ADCY9: variants seen among roughly 807,000 people sequenced by gnomAD.
ADCY9 encodes adenylate cyclase type 9.
Under a neutral mutation model 101.5 loss-of-function variants are expected in ADCY9, and 50 were observed. The observed-to-expected ratio is 0.49, with a 90% CI of 0.39 to 0.62. The LOEUF is 0.62. ADCY9 is among the 20% of genes least tolerant of loss of function. The probability of loss-of-function intolerance (pLI) is 0.00; values close to 1 mark genes in which losing one functional copy is unlikely to be tolerated. For missense variants in ADCY9, 1,662 were observed against 1,800.4 expected (o/e 0.92, Z 1.39); for synonymous variants, 905 against 769.3 (o/e 1.18, Z -2.92).
intron 2 of ADCY9, among the ~76,000 whole-genome samples, chr16:4,072,783 G>GA (rs2056842592): frequency 6.6e-6 from 1 of 151,908 alleles, no homozygotes; most frequent in Non-Finnish European, 1.5e-5. Context: ...CCAAATTGTC[G>GA]AAAACTAAAA....
At chr16:4,076,847 G>T (rs1400641132) in intron 2 of ADCY9, among the ~76,000 whole-genome samples, 5 of 152,046 alleles carry the variant, frequency 3.3e-5, no homozygotes, top group Admixed American at 3.3e-4. Context: ...GAGGCCAAGG[G>T]AGGAGGATCA....
chr16:3,965,783 T>C lies in ADCY9; in HGVS notation c.4054A>G (p.Ser1352Gly), dbSNP rs1030612865. The change falls in exon 11 of 11, where the codon AGT becomes GGT. Residue 1352 changes from serine to glycine, a missense_variant. This residue lies in a region of ADCY9 where 168 missense variants were observed against 155.3 expected (regional missense o/e 1.08). Transcript: ENST00000294016. ...NELTKLNVSK[S>G]V ...AGCGGGTGGGCGCCGCCTCACACAC[T>C]CTTTGAAACGTTGAGCTTGGTGAGT... The C allele has an allele frequency of 6.2e-7, 1 of 1,611,046 alleles. No individual in the cohort carries two copies. The highest frequency in any genetic ancestry group is 8.5e-7 in the Non-Finnish European group (1 of 1,178,324).
chr16:4,111,299 T>C (rs957434101), intron 2 of ADCY9, among the ~76,000 whole-genome samples: 3 of 152,106 alleles, frequency 2.0e-5, no homozygotes, highest in Non-Finnish European at 2.9e-5. Flanking sequence ...TTGTTGTTGT[T>C]TTTTAAGACA....
Position 4,081,140 on chromosome 16 carries a change from C to T in ADCY9, c.1693+32610G>A, listed in dbSNP as rs180701461. Among the ~76,000 whole-genome samples, 265 of 152,220 alleles carry T rather than the reference C, an allele frequency of 1.7e-3. 1 individual carries two copies. Among genetic ancestry groups the T allele is most frequent in the Non-Finnish European group, 3.2e-3 (220 of 68,008 alleles). On this transcript the variant is annotated intron_variant, in intron 2 of 10. Transcript: ENST00000294016. ...GTGGATGGTGTGGCCTGGGGAGGGA[C>T]GGTGGCAGGAGAAAACCATCTCCCG...
intron 2 of ADCY9, among the ~76,000 whole-genome samples, chr16:4,085,688 T>C (rs546258218): frequency 6.6e-6 from 1 of 151,946 alleles, no homozygotes; most frequent in Non-Finnish European, 1.5e-5. Context: ...CTTCTTGAAA[T>C]GGTATCCCCC....
chr16:4,092,203 G>C (rs940266729), intron 2 of ADCY9, among the ~76,000 whole-genome samples: 11 of 152,214 alleles, frequency 7.2e-5, no homozygotes, highest in Admixed American at 6.5e-4. Context: ...CCAGGAAACG[G>C]AGGTTGCAGT....
In ADCY9 at chr16:3,966,659, T is replaced by C. The variant is rs775427887; in HGVS notation, c.3178A>G (p.Ile1060Val). The C allele has an allele frequency of 2.3e-5, 37 of 1,614,036 alleles. 1 individual carries two copies. Among genetic ancestry groups the C allele is most frequent in the East Asian group, 6.7e-5 (3 of 44,892 alleles). The change falls in exon 11 of 11, where the codon ATC becomes GTC. Residue 1060 changes from isoleucine to valine, a missense_variant. Physicochemically the swap from Ile to Val is conservative, Grantham distance 29. Around this residue, in one of 5 missense-constraint regions of ADCY9, gnomAD observed 220 missense variants for 312.9 expected, o/e 0.70. Transcript: ENST00000294016. ...YSKNHDSGGV[I>V]FASIVNFSEF... ...CTGAAGTTGACGATGCTGGCGAAGA[T>C]CACCCCTCCGCTGTCATGGTTCTTG... is the stretch of plus-strand genomic sequence containing the variant.
chr16:4,065,315 C>A (rs1173341766), intron 2 of ADCY9, among the ~76,000 whole-genome samples: 1 of 152,148 alleles, frequency 6.6e-6, no homozygotes, highest in Non-Finnish European at 1.5e-5. Flanking sequence ...CAAACTGCAC[C>A]CTTCTAACGC....
chr16:4,000,323 G>A (rs949652930), intron 3 of ADCY9, among the ~76,000 whole-genome samples: 1 of 152,176 alleles, frequency 6.6e-6, no homozygotes, highest in East Asian at 1.9e-4. Flanking sequence ...TCGGAACCGC[G>A]TAAAGAGGCG....
Position 4,113,796 on chromosome 16 carries a change from T to C in ADCY9, c.1647A>G (p.Lys549=). Residue 549 remains lysine, a synonymous_variant, in exon 2 of 11, where the codon AAA becomes AAG. Coordinates refer to ENST00000294016, the MANE Select transcript of ADCY9 (RefSeq NM_001116.4). ...LDDRYEMEDG[K]VIERLGQSVV... ...CGCTCTGGCCCAGCCGTTCAATAACTTTCCCATCTTCCATTTCGTACCGGT... is the reference window on the plus strand; with the variant it reads ...CGCTCTGGCCCAGCCGTTCAATAACCTTCCCATCTTCCATTTCGTACCGGT... 6.2e-7 allele frequency: 1 copy of C among 1,614,052 alleles called. No homozygotes were observed. Among genetic ancestry groups the C allele is most frequent in the Middle Eastern group, 1.7e-4 (1 of 6,054 alleles).
intron 2 of ADCY9, among the ~76,000 whole-genome samples, chr16:4,083,152 GTTTT>G (rs1400061275): frequency 2.0e-5 from 3 of 152,110 alleles, no homozygotes; most frequent in Non-Finnish European, 4.4e-5. Flanking sequence ...TAGTAAATGC[GTTTT>G]TTTGTTTGTT....
At chr16:4,089,120 T>C (rs1240487078) in intron 2 of ADCY9, among the ~76,000 whole-genome samples, 1 of 91,664 alleles carries the variant, frequency 1.1e-5, no homozygotes, top group African/African-American at 5.3e-5. Context: ...GAGACAGAGA[T>C]TGCTCTGTCA....
intron 2 of ADCY9, among the ~76,000 whole-genome samples, chr16:4,090,739 C>CT (rs34323482): frequency 1.3e-5 from 2 of 151,392 alleles, no homozygotes; most frequent in African/African-American, 2.4e-5. Flanking sequence ...TTAAATACTA[C>CT]TTTTTTTTCA....
intron 2 of ADCY9, among the ~76,000 whole-genome samples, chr16:4,028,743 G>T (rs2601814): frequency 0.71 from 108,366 of 151,996 alleles, 43,614 homozygotes; most frequent in East Asian, 0.92. Flanking sequence ...TAGTAAAACT[G>T]TCTTTAATAA....
Position 4,113,837 on chromosome 16 carries a change from C to A in ADCY9, c.1606G>T (p.Ala536Ser). ...TCGTACCGGTCATCTAAGTATTTTG[C>A]GGTGGCCTCAGAAATGTGAACTTTG... is the stretch of plus-strand genomic sequence containing the variant. The part of the protein sequence containing the change: ...AGKVHISEAT[A>S]KYLDDRYEME... Residue 536 changes from alanine to serine, a missense_variant, in exon 2 of 11, where the codon GCA (alanine) becomes TCA (serine). Ala to Ser is a moderately conservative substitution (Grantham distance 99, BLOSUM62 1). This residue lies in a region of ADCY9 where 624 missense variants were observed against 639.1 expected (regional missense o/e 0.98). Coordinates refer to ENST00000294016, the MANE Select transcript of ADCY9 (RefSeq NM_001116.4). 1.9e-6 allele frequency: 3 copies of A among 1,614,142 alleles called. No individual in the cohort carries two copies. Among genetic ancestry groups the A allele is most frequent in the Non-Finnish European group, 2.5e-6 (3 of 1,180,024 alleles).
chr16:4,079,493 C>T (rs549217108), intron 2 of ADCY9, among the ~76,000 whole-genome samples: 17 of 152,150 alleles, frequency 1.1e-4, no homozygotes, highest in African/African-American at 3.9e-4. Context: ...CTCTTGAACC[C>T]GGGAGGCAGA....
intron 9 of ADCY9, among the ~76,000 whole-genome samples, chr16:3,976,290 C>G (rs1424421807): frequency 6.6e-6 from 1 of 152,170 alleles, no homozygotes; most frequent in Non-Finnish European, 1.5e-5. Context: ...CCAAGACCGG[C>G]TGGGACTTAT....
intron 2 of ADCY9, among the ~76,000 whole-genome samples, chr16:4,024,599 G>A (rs575203216): frequency 2.0e-4 from 31 of 152,176 alleles, no homozygotes; most frequent in African/African-American, 7.2e-4. Context: ...AGCTCTGGGT[G>A]GCGAATGGCT....
At chr16:4,041,332 C>G (rs547956655) in intron 2 of ADCY9, among the ~76,000 whole-genome samples, 1 of 152,022 alleles carries the variant, frequency 6.6e-6, no homozygotes, top group African/African-American at 2.4e-5. Context: ...GTGACACCTC[C>G]GTCTCTACTA....
Sources: allele counts gnomAD v4.1 joint callset (sites outside exome capture counted in the v4.1 genomes callset), GRCh38; gene constraint gnomAD v4.1.1; regional missense constraint gnomAD v4.1.1; transcripts MANE v1.5; gene names NCBI Gene and HGNC (gene_info 2026-07-23, HGNC 2026-07-21).